The following DUSP22 variants were observed in gnomAD, a reference collection of about 807,000 sequenced individuals.
DUSP22 encodes the protein dual specificity protein phosphatase 22.
Under a neutral mutation model 24.5 loss-of-function variants are expected in DUSP22, and 24 were observed. That is an observed-to-expected ratio of 0.98 (90% CI 0.71 to 1.38). The LOEUF is 1.38. Among genes scored for constraint, DUSP22 ranks in the 40% most tolerant of loss-of-function variants. The pLI is 0.00. For synonymous variants in DUSP22, 160 were observed against 106.4 expected (o/e 1.50, Z -3.10); for missense variants, 330 against 269.2 (o/e 1.23, Z -1.58).
chr6:308,127 C>T (rs1471717397), intron 2 of DUSP22, among the ~76,000 whole-genome samples: 1 of 152,286 alleles, frequency 6.6e-6, no homozygotes, highest in Non-Finnish European at 1.5e-5. Flanking sequence ...CTTCTTAAAG[C>T]GCATGTTCTG....
chr6:314,134 G>A (rs551944664), intron 3 of DUSP22, among the ~76,000 whole-genome samples: 896 of 152,034 alleles, frequency 5.9e-3, no homozygotes, highest in African/African-American at 0.02. Context: ...GAATGAAGGT[G>A]AGCGGGGAGA....
chr6:335,954 G>C (rs1390321206), intron 4 of DUSP22, among the ~76,000 whole-genome samples: 1 of 152,300 alleles, frequency 6.6e-6, no homozygotes, highest in Non-Finnish European at 1.5e-5. Context: ...ATTCATAATT[G>C]TTCCCTTTTC....
intron 4 of DUSP22, among the ~76,000 whole-genome samples, chr6:344,316 C>T (rs903110472): frequency 3.3e-5 from 5 of 152,256 alleles, no homozygotes; most frequent in Admixed American, 2.0e-4. Context: ...GACAGGGTCT[C>T]GCTGTGTCGC....
In DUSP22 at chr6:351,073, C is replaced by A; in HGVS notation, c.*2122C>A. 1 of 803,520 alleles carries A rather than the reference C, an allele frequency of 1.2e-6. No homozygotes were observed. Among genetic ancestry groups the A allele is most frequent in the Non-Finnish European group, 1.9e-6 (1 of 524,158 alleles). The allele number at this position is 803,520 out of a possible 1,614,324, so 49.8% of individuals were successfully genotyped here. On this transcript the variant is annotated 3_prime_UTR_variant, in exon 7 of 7. Transcript: ENST00000419235. ...AAATATTTTCCCCTTATCCCCACTG[C>A]TGTGGAGGTTTCTGTACCTCGCTTG...
intron 3 of DUSP22, among the ~76,000 whole-genome samples, chr6:328,889 A>C (rs1410472525): frequency 1.1e-4 from 17 of 152,418 alleles, no homozygotes; most frequent in Admixed American, 4.6e-4. Context: ...TACTTAGTCC[A>C]TAGGCATACG....
At chr6:340,937 A>G (rs530336046) in intron 4 of DUSP22, among the ~76,000 whole-genome samples, 81 of 152,376 alleles carry the variant, frequency 5.3e-4, no homozygotes, top group African/African-American at 1.8e-3. Context: ...AAGCTCATCC[A>G]CCATCTTTTC....
rs989268653 is a variant in DUSP22, at chr6:348,650, T to C, written c.436-119T>C. 3 of 1,504,788 alleles carry C rather than the reference T, an allele frequency of 2.0e-6. No individual in the cohort carries two copies. The African/African-American group carries it at 4.1e-5, about 21-fold the overall frequency. The allele number at this position is 1,504,788 out of a possible 1,614,324, so 93.2% of individuals were successfully genotyped here. ...CCACAGAGCTCTGATTTCCCACTGC[T>C]GTTTGTTTCCCTGGTTATGTGTGGC... On this transcript the variant is annotated intron_variant, in intron 6 of 6. Transcript: ENST00000419235.
intron 3 of DUSP22, 115 bp from the exon 4 acceptor site, chr6:334,999 A>G (rs897607597): frequency 6.4e-6 from 8 of 1,254,698 alleles, no homozygotes; most frequent in Admixed American, 2.7e-5. Flanking sequence ...ATGAGTGAAA[A>G]ACTTCTCCTT....
In DUSP22 at chr6:349,267, G is replaced by A. The variant is rs951218108; in HGVS notation, c.*316G>A. 3 of 1,321,618 alleles carry A rather than the reference G, an allele frequency of 2.3e-6. No homozygotes were observed. Among genetic ancestry groups the A allele is most frequent in the Admixed American group, 6.7e-5 (2 of 29,790 alleles). 81.9% of individuals were successfully genotyped at this position (1,321,618 alleles called of 1,614,324 possible). Reference sequence around the variant, plus strand: ...AGTGGATGCATGTGTGTGCCTGTGTGAGTGAGGGTATGTGCACCTAAGTGT... The same window carrying A: ...AGTGGATGCATGTGTGTGCCTGTGTAAGTGAGGGTATGTGCACCTAAGTGT... On this transcript the variant is annotated 3_prime_UTR_variant, in exon 7 of 7. Coordinates refer to ENST00000419235, the MANE Select transcript of DUSP22 (RefSeq NM_001286555.3).
At chr6:296,359 C>T (rs1184086684) in intron 1 of DUSP22, among the ~76,000 whole-genome samples, 1 of 152,306 alleles carries the variant, frequency 6.6e-6, no homozygotes, top group Non-Finnish European at 1.5e-5. Flanking sequence ...TCTGGTTGTA[C>T]ACAGAGGCTA....
Position 311,911 on chromosome 6 carries a change from C to T in DUSP22, c.87C>T (p.Asn29=). 6.2e-7 allele frequency: 1 copy of T among 1,612,276 alleles called. No homozygotes were observed. Among genetic ancestry groups the T allele is most frequent in the African/African-American group, 1.3e-5 (1 of 74,972 alleles). Residue 29 remains asparagine, a synonymous_variant, in exon 3 of 7, where the codon AAC becomes AAT. Coordinates refer to ENST00000419235, the MANE Select transcript of DUSP22 (RefSeq NM_001286555.3). ...GAGACGCGGAACAATTGAGCAAGAA[C>T]AAGGTGACACATATTCTGTCTGTCC... The part of the protein sequence containing the change: ...DARDAEQLSK[N]KVTHILSVHD...
chr6:299,744 T>G (rs1275519505), intron 1 of DUSP22, among the ~76,000 whole-genome samples: 1 of 152,308 alleles, frequency 6.6e-6, no homozygotes, highest in African/African-American at 2.4e-5. Context: ...CAGGTCAGAC[T>G]TCCCATCCTT....
chr6:347,204 T>G (rs1367513528), intron 5 of DUSP22, among the ~76,000 whole-genome samples: 7 of 152,296 alleles, frequency 4.6e-5, no homozygotes, highest in Non-Finnish European at 7.3e-5. Flanking sequence ...GATCTGTCTT[T>G]TAAGATCTCT....
At chr6:329,712 A>G (rs1759055653) in intron 3 of DUSP22, among the ~76,000 whole-genome samples, 2 of 152,428 alleles carry the variant, frequency 1.3e-5, no homozygotes, top group African/African-American at 4.8e-5. Context: ...TTGCCCTCCC[A>G]AAGTGCTGGG....
chr6:323,084 C>T (rs3778601), intron 3 of DUSP22, among the ~76,000 whole-genome samples: 5,344 of 150,830 alleles, frequency 0.035, 11 homozygotes, highest in East Asian at 0.23. Context: ...AAGGGAAGTG[C>T]TCCAATCTTA....
At chr6:298,573 T>C (rs1757441749) in intron 1 of DUSP22, among the ~76,000 whole-genome samples, 1 of 152,310 alleles carries the variant, frequency 6.6e-6, no homozygotes, top group South Asian at 2.1e-4. Flanking sequence ...TTTTTGTGGC[T>C]GAGGATTTGT....
At chr6:320,427 T>G (rs2797323) in intron 3 of DUSP22, 152,583 of 153,150 alleles carry the variant, frequency 1, 76,008 homozygotes, top group Non-Finnish European at 1. Context: ...CCTGTCCACG[T>G]TGGGGAATGT....
At chr6:348,445 T>C (rs528851131) in intron 6 of DUSP22, 171 bp downstream of exon 6, 2 of 1,147,312 alleles carry the variant, frequency 1.7e-6, no homozygotes, top group Non-Finnish European at 2.4e-6. Flanking sequence ...CGATCCCTCG[T>C]GCACCTGTTG....
intron 3 of DUSP22, among the ~76,000 whole-genome samples, chr6:316,509 TG>T (rs1270270131): frequency 6.6e-6 from 1 of 152,302 alleles, no homozygotes; most frequent in Non-Finnish European, 1.5e-5. Context: ...CAGCGTCTAC[TG>T]ATGGCTCCAG....
Sources: gnomAD v4.1 joint callset for allele counts (sites outside exome capture counted in the v4.1 genomes callset) on GRCh38, gnomAD v4.1.1 for gene constraint, MANE v1.5 for transcripts, NCBI Gene and HGNC (gene_info 2026-07-23, HGNC 2026-07-21) for gene names.